The following DPY19L1 variants were observed in gnomAD, a reference collection of about 807,000 sequenced individuals.
The protein encoded by DPY19L1 is protein C-mannosyl-transferase DPY19L1.
DPY19L1 carries 35 observed loss-of-function variants against 96.9 expected under a neutral mutation model. That is an observed-to-expected ratio of 0.36 (90% CI 0.28 to 0.48). The LOEUF (loss-of-function observed/expected upper bound fraction) is 0.48, where lower values mean the gene tolerates loss of function less well. Among genes scored for constraint, DPY19L1 ranks in the 20% least tolerant of loss-of-function variants. The pLI is 0.99. For missense variants in DPY19L1, 521 were observed against 777.9 expected (o/e 0.67, Z 3.93); for synonymous variants, 205 against 252.6 (o/e 0.81, Z 1.79).
At chr7:34,932,324 T>C (rs1041955312) in intron 21 of DPY19L1, among the ~76,000 whole-genome samples, 7 of 152,220 alleles carry the variant, frequency 4.6e-5, no homozygotes, top group Non-Finnish European at 8.8e-5. Flanking sequence ...ACATCACGGC[T>C]TAGCCTAGCC....
chr7:35,002,904 G>A (rs1742203514), intron 6 of DPY19L1, among the ~76,000 whole-genome samples: 1 of 152,162 alleles, frequency 6.6e-6, no homozygotes, highest in South Asian at 2.1e-4. Context: ...GAGTAGCTGG[G>A]ACTACAGGTG....
At chr7:35,026,776 A>C (rs1165811519) in intron 1 of DPY19L1, among the ~76,000 whole-genome samples, 1 of 152,216 alleles carries the variant, frequency 6.6e-6, no homozygotes, top group African/African-American at 2.4e-5. Context: ...ATGATTAAGA[A>C]AGGGAAAGAA....
intron 7 of DPY19L1, among the ~76,000 whole-genome samples, chr7:34,985,374 A>T (rs1785025459): frequency 6.6e-6 from 1 of 152,142 alleles, no homozygotes. Flanking sequence ...GAAATAATTA[A>T]CAGAGTGTAC....
At chr7:34,980,025 T>A (rs1784906818) in intron 7 of DPY19L1, among the ~76,000 whole-genome samples, 1 of 152,158 alleles carries the variant, frequency 6.6e-6, no homozygotes. Flanking sequence ...AGCTACAATA[T>A]TTAAGGCAGT....
At chr7:35,037,748 C>G (rs1444405552), upstream of DPY19L1, 5 of 1,030,118 alleles carry the variant, frequency 4.9e-6, no homozygotes, top group Non-Finnish European at 5.9e-6. Context: ...CGCTCCAGGC[C>G]GGCCAGCGCG....
At chr7:34,975,050 G>GA (rs1784803912) in intron 7 of DPY19L1, among the ~76,000 whole-genome samples, 1 of 151,824 alleles carries the variant, frequency 6.6e-6, no homozygotes, top group Admixed American at 6.6e-5. Context: ...CCCTCCCATC[G>GA]GGCCTCCAAA....
intron 1 of DPY19L1, 128 bp downstream of exon 1, chr7:35,036,969 G>C (rs2128685648): frequency 6.5e-6 from 1 of 154,530 alleles, no homozygotes; most frequent in Admixed American, 6.6e-5. Context: ...AAACTGGCTG[G>C]TCCGGCTGGC....
intron 3 of DPY19L1, 42 bp from the exon 4 acceptor site, chr7:35,013,747 T>A: frequency 6.7e-7 from 1 of 1,485,324 alleles, no homozygotes; most frequent in Non-Finnish European, 9.2e-7. Context: ...AAAAGGTACA[T>A]AATTATGATG....
rs1446931073 is a variant in DPY19L1 at position 34,955,383 on chromosome 7, T to C, written c.1180-16A>G. 30 of 1,602,762 alleles carry C rather than the reference T, an allele frequency of 1.9e-5. No individual in the cohort carries two copies. The highest frequency in any genetic ancestry group is 2.4e-5 in the Non-Finnish European group (28 of 1,173,884). On this transcript the variant is annotated splice_polypyrimidine_tract_variant and intron_variant, in intron 11 of 21. Transcript: ENST00000638088. ...CCAGAATACCCTGAGTAGAGAAAAATAACATAGTATACACAGTTAATACTT... is the reference window on the plus strand; with the variant it reads ...CCAGAATACCCTGAGTAGAGAAAAACAACATAGTATACACAGTTAATACTT...
Position 34,931,384 on chromosome 7 carries a change from T to G in DPY19L1, c.*189A>C. On this transcript the variant is annotated 3_prime_UTR_variant, in exon 22 of 22. Coordinates refer to ENST00000638088, the MANE Select transcript of DPY19L1 (RefSeq NM_001366673.1). The stretch of plus-strand genomic sequence containing the variant: ...GCAAATTTTAAAGGGTGCATTGAAA[T>G]AGTAACCAATTGATAAAGGTGTAAG... 1 of 735,494 alleles carries G rather than the reference T, an allele frequency of 1.4e-6. No homozygotes were observed. 45.6% of individuals were successfully genotyped at this position (735,494 alleles called of 1,614,324 possible).
intron 16 of DPY19L1, among the ~76,000 whole-genome samples, chr7:34,943,852 A>C (rs1407003593): frequency 3.3e-5 from 5 of 152,136 alleles, no homozygotes; most frequent in Non-Finnish European, 5.9e-5. Flanking sequence ...TTCACCTCAA[A>C]TGAAAAATTT....
At position 34,931,621 on chromosome 7, in the gene DPY19L1, A is replaced by G; in HGVS notation, c.2199T>C (p.Thr733=). 2 of 1,581,856 alleles carry G rather than the reference A, an allele frequency of 1.3e-6. No individual in the cohort carries two copies. The highest frequency in any genetic ancestry group is 1.7e-6 in the Non-Finnish European group (2 of 1,166,678). The change falls in exon 22 of 22, where the codon ACT becomes ACC. Residue 733 remains threonine (T), a synonymous_variant. Coordinates refer to ENST00000638088, the MANE Select transcript of DPY19L1 (RefSeq NM_001366673.1). ...LVKDSKPHFT[T]VFQNSVYKVL... is the part of the protein sequence containing the mutation. ...CTTTGTAAACACTGTTCTGGAATACAGTGGTGAAGTGAGGTTTGGAATCCT... is the reference window on the plus strand; with the variant it reads ...CTTTGTAAACACTGTTCTGGAATACGGTGGTGAAGTGAGGTTTGGAATCCT...
rs1397993948 is a variant in DPY19L1, at chr7:34,940,422, CT to C, written c.1690-96del. Reference sequence around the variant, plus strand: ...TTCCCAGAGAAGAATAAGGCCTCTGCTAGAGTCCCAAATAAAGGATTAATTA... The same window carrying C: ...TTCCCAGAGAAGAATAAGGCCTCTGCAGAGTCCCAAATAAAGGATTAATTA... On this transcript the variant is annotated intron_variant, in intron 18 of 21. Transcript: ENST00000638088. The C allele has an allele frequency of 1.7e-4, 167 of 977,992 alleles. No individual in the cohort carries two copies. The African/African-American group carries it at 2.5e-3, about 15-fold the overall frequency. The allele number at this position is 977,992 out of a possible 1,614,324, so 60.6% of individuals were successfully genotyped here. A position where few individuals can be genotyped will look rare whatever the true frequency, so the allele number is the denominator to read the frequency against.
intron 6 of DPY19L1, among the ~76,000 whole-genome samples, chr7:35,007,187 A>G (rs1392367532): frequency 6.6e-6 from 1 of 152,174 alleles, no homozygotes; most frequent in African/African-American, 2.4e-5. Context: ...GTGATAAGAG[A>G]CTCTATTCAA....
At chr7:34,980,116 T>A (rs1784908907) in intron 7 of DPY19L1, among the ~76,000 whole-genome samples, 1 of 152,130 alleles carries the variant, frequency 6.6e-6, no homozygotes, top group Admixed American at 6.6e-5. Flanking sequence ...ATAGTCACTT[T>A]ATTTATGATA....
intron 6 of DPY19L1, among the ~76,000 whole-genome samples, chr7:35,007,843 T>C (rs900697608): frequency 1.3e-5 from 2 of 152,136 alleles, no homozygotes; most frequent in Non-Finnish European, 2.9e-5. Flanking sequence ...TCAAGTGTTC[T>C]ATGAGATCAT....
chr7:34,991,501 T>C (rs769878944), intron 6 of DPY19L1, among the ~76,000 whole-genome samples: 55 of 152,166 alleles, frequency 3.6e-4, no homozygotes, highest in Non-Finnish European at 6.2e-4. Flanking sequence ...CTGAAAGGTG[T>C]ACCACATCTT....
At chr7:35,021,616 T>G (rs772117464) in intron 1 of DPY19L1, among the ~76,000 whole-genome samples, 1 of 152,230 alleles carries the variant, frequency 6.6e-6, no homozygotes, top group African/African-American at 2.4e-5. Context: ...TGTACAAATA[T>G]TTCCACAGTA....
At chr7:35,027,894 CT>C (rs1421132609) in intron 1 of DPY19L1, among the ~76,000 whole-genome samples, 1 of 152,010 alleles carries the variant, frequency 6.6e-6, no homozygotes, top group Non-Finnish European at 1.5e-5. Context: ...ACTACTGCCC[CT>C]AGTAAGATCT....
Sources: allele counts gnomAD v4.1 joint callset (sites outside exome capture counted in the v4.1 genomes callset), GRCh38; gene constraint gnomAD v4.1.1; transcripts MANE v1.5; gene names NCBI Gene and HGNC (gene_info 2026-07-23, HGNC 2026-07-21).